Variants in TANC2 observed in about 807,000 individuals in gnomAD.
TANC2 encodes the protein protein TANC2.
In TANC2, 26 loss-of-function variants were observed where a neutral mutation model predicts 210.5. That is an observed-to-expected ratio of 0.12 (90% CI 0.09 to 0.17). The LOEUF is 0.17. Ranked by LOEUF, TANC2 falls within the 10% of genes least tolerant of loss-of-function variation. The pLI is 1.00. For synonymous variants in TANC2, 931 were observed against 967.1 expected (o/e 0.96, Z 0.69); for missense variants, 2,129 against 2,608.9 (o/e 0.82, Z 4.01).
intron 11 of TANC2, among the ~76,000 whole-genome samples, chr17:63,333,575 A>G (rs978782685): frequency 6.6e-6 from 1 of 152,228 alleles, no homozygotes; most frequent in Non-Finnish European, 1.5e-5. Flanking sequence ...AAAAATAACA[A>G]TAAGGGATTT....
chr17:63,422,007 C>G (rs1210049101), exon 28 of TANC2: 17 of 1,537,758 alleles, frequency 1.1e-5, no homozygotes, highest in Non-Finnish European at 1.4e-5. Context: ...CATTTTCAGG[C>G]TTGGTTTCCA....
chr17:63,407,450 C>A (rs1010417233), intron 21 of TANC2, among the ~76,000 whole-genome samples: 1 of 152,194 alleles, frequency 6.6e-6, no homozygotes, highest in Admixed American at 6.5e-5. Flanking sequence ...CCACTGATAA[C>A]CTTTAGATAG....
At chr17:63,300,100 T>G (rs1265106890) in intron 9 of TANC2, among the ~76,000 whole-genome samples, 3 of 152,124 alleles carry the variant, frequency 2.0e-5, no homozygotes, top group Non-Finnish European at 4.4e-5. Flanking sequence ...TGTAGATGTG[T>G]GGTGGTATTT....
intron 4 of TANC2, among the ~76,000 whole-genome samples, chr17:63,145,495 A>G (rs2039434623): frequency 6.6e-6 from 1 of 152,164 alleles, no homozygotes; most frequent in African/African-American, 2.4e-5. Context: ...ACAATTCTAT[A>G]GTTCAAATCT....
intron 4 of TANC2, among the ~76,000 whole-genome samples, chr17:63,137,095 A>AT (rs1290447281): frequency 2.6e-5 from 4 of 151,894 alleles, no homozygotes; most frequent in Non-Finnish European, 4.4e-5. Context: ...TTTATTTTTT[A>AT]TTTTTTTTCA....
chr17:63,317,605 A>G (rs1436710886), intron 10 of TANC2, among the ~76,000 whole-genome samples: 2 of 152,188 alleles, frequency 1.3e-5, no homozygotes, highest in Non-Finnish European at 2.9e-5. Flanking sequence ...AAAAGTCTCA[A>G]TGTAGTTATT....
intron 9 of TANC2, among the ~76,000 whole-genome samples, chr17:63,274,213 C>CT (rs35513380): frequency 0.2 from 29,239 of 146,944 alleles, 5,916 homozygotes; most frequent in African/African-American, 0.52. Context: ...TTAAAAAGTC[C>CT]TTTTTTTTTT....
intron 11 of TANC2, among the ~76,000 whole-genome samples, chr17:63,333,558 G>A (rs2045928379): frequency 6.6e-6 from 1 of 152,180 alleles, no homozygotes; most frequent in African/African-American, 2.4e-5. Context: ...GATGCTGTGA[G>A]CATTGTAAAA....
intron 2 of TANC2, among the ~76,000 whole-genome samples, chr17:63,052,309 CAT>C (rs2035611199): frequency 6.6e-6 from 1 of 152,098 alleles, no homozygotes; most frequent in African/African-American, 2.4e-5. Context: ...TTCCTAAAGT[CAT>C]ATAAATTGTA....
intron 9 of TANC2, among the ~76,000 whole-genome samples, chr17:63,297,766 A>G (rs2044581318): frequency 6.6e-6 from 1 of 152,176 alleles, no homozygotes; most frequent in Non-Finnish European, 1.5e-5. Context: ...GAAAAAAATG[A>G]AAAGACAGCC....
rs148910888 is a variant in TANC2 at position 63,224,346 on chromosome 17, G to A, written c.770-13468G>A. On this transcript the variant is annotated intron_variant, in intron 7 of 27. Transcript: ENST00000689528. Reference sequence around the variant, plus strand: ...GGCTCACTGCAGCCTCCGCCTCCCAGATTCAAGCAGTTCTTCCACCTCCGT... The same window carrying A: ...GGCTCACTGCAGCCTCCGCCTCCCAAATTCAAGCAGTTCTTCCACCTCCGT... Among the ~76,000 whole-genome samples the A allele has an allele frequency of 4.3e-3, 647 of 150,086 alleles. 6 individuals are homozygous for A. Among genetic ancestry groups the A allele is most frequent in the African/African-American group, 0.014 (565 of 40,630 alleles).
rs899804254 is a variant in TANC2, at chr17:63,356,208, T to C, written c.2582+818T>C. 2.0e-5 allele frequency among the ~76,000 whole-genome samples: 3 copies of C among 152,180 alleles called. No individual in the cohort carries two copies. In the East Asian group the frequency reaches 5.8e-4, roughly 29 times the overall value. ...GACTAGATATGAAACTGTTTCCCTT[T>C]TTATTGCATGAAACCTAGTTCTCTG... On this transcript the variant is annotated intron_variant, in intron 14 of 27. Coordinates refer to ENST00000689528, the Ensembl canonical transcript of TANC2.
intron 1 of TANC2, among the ~76,000 whole-genome samples, chr17:63,005,664 T>A (rs1355449215): frequency 6.6e-6 from 1 of 152,144 alleles, no homozygotes; most frequent in Non-Finnish European, 1.5e-5. Flanking sequence ...GTTTTCAGTG[T>A]CTTTTGTTAA....
At chr17:63,016,128 A>G (rs1240390248) in intron 2 of TANC2, among the ~76,000 whole-genome samples, 5 of 152,246 alleles carry the variant, frequency 3.3e-5, no homozygotes, top group African/African-American at 1.2e-4. Flanking sequence ...AACACAGATA[A>G]TTGCTGTAAT....
intron 1 of TANC2, among the ~76,000 whole-genome samples, chr17:63,009,095 T>C (rs1283355182): frequency 2.6e-5 from 4 of 152,108 alleles, no homozygotes; most frequent in African/African-American, 7.2e-5. Flanking sequence ...TATTTAAACA[T>C]AGTTAATTAT....
intron 3 of TANC2, among the ~76,000 whole-genome samples, chr17:63,084,137 C>A (rs2036874767): frequency 6.6e-6 from 1 of 152,116 alleles, no homozygotes; most frequent in East Asian, 1.9e-4. Flanking sequence ...TGGAAGGTTA[C>A]CAGTTACTGA....
chr17:63,421,425 G>A lies in TANC2; in HGVS notation c.5695G>A (p.Ala1899Thr). 1 of 1,613,944 alleles carries A rather than the reference G, an allele frequency of 6.2e-7. No individual in the cohort carries two copies. ...GCAAATGGAGATCCCACTGAAACCT[G>A]CATATGAGAGGTCATGTGACGAGCT... Residue 1899 changes from alanine to threonine, a missense_variant, in exon 28 of 28, where the codon GCA becomes ACA. Physicochemically the swap from Ala to Thr is moderately conservative, Grantham distance 58. This residue lies in a region of TANC2 where 584 missense variants were observed against 627.3 expected (regional missense o/e 0.93). Transcript: ENST00000689528. The surrounding 1 kb of genome is among the most constrained non-coding windows in gnomAD (Gnocchi z 6.9).
intron 5 of TANC2, among the ~76,000 whole-genome samples, chr17:63,171,081 C>CTTTTTTTT (rs578140711): frequency 3.1e-5 from 3 of 98,076 alleles, no homozygotes; most frequent in Non-Finnish European, 5.7e-5. Context: ...GTATTTCTTT[C>CTTTTTTTT]TTTTTTTTTT....
intron 2 of TANC2, among the ~76,000 whole-genome samples, chr17:63,021,211 A>T (rs1195320730): frequency 6.6e-6 from 1 of 152,238 alleles, no homozygotes; most frequent in African/African-American, 2.4e-5. Context: ...TGTATGTGCA[A>T]TAGTATGTAA....
Sources: allele counts gnomAD v4.1 joint callset (sites outside exome capture counted in the v4.1 genomes callset), GRCh38; gene constraint gnomAD v4.1.1; regional missense constraint gnomAD v4.1.1; non-coding constraint Gnocchi (gnomAD v3.1); transcripts MANE v1.5; gene names NCBI Gene and HGNC (gene_info 2026-07-23, HGNC 2026-07-21).